Variants in TLR10 observed in about 807,000 individuals in gnomAD.
TLR10 encodes toll-like receptor 10.
For synonymous variants in TLR10, 288 were observed against 338.8 expected, an observed-to-expected ratio of 0.85 and a Z score of 1.65; for missense variants, 929 against 932.9, an observed-to-expected ratio of 1.00 and a Z score of 0.05.
intron 1 of TLR10, 113 bp from the exon 2 acceptor site, chr4:38,776,539 G>C (rs1308663786): frequency 6.6e-6 from 1 of 152,208 alleles, no homozygotes; most frequent in Admixed American, 6.5e-5. Context: ...TGTGAGGGAA[G>C]TACTACTACT....
chr4:38,774,268 C>A lies in TLR10; in HGVS notation c.1323G>T (p.Leu441Phe). The stretch of plus-strand genomic sequence containing the variant: ...GGTCAAGTATTTGAATACTTTTGGG[C>A]AAGCACCTGAAGACAGAATCAGACA... ...NKLSDSVFRC[L>F]PKSIQILDLN... is the part of the protein sequence containing the mutation. The change falls in exon 4 of 4, where the codon TTG (leucine) becomes TTT (phenylalanine). Residue 441 changes from leucine (L) to phenylalanine (F), a missense_variant. Physicochemically the swap from Leu to Phe is conservative, Grantham distance 22. Transcript: ENST00000308973. The A allele has an allele frequency of 6.2e-7, 1 of 1,613,864 alleles. No individual in the cohort carries two copies. Among genetic ancestry groups the A allele is most frequent in the Non-Finnish European group, 8.5e-7 (1 of 1,179,974 alleles).
In TLR10 at chr4:38,775,045, T is replaced by A; in HGVS notation, c.546A>T (p.Glu182Asp). 6.2e-7 allele frequency: 1 copy of A among 1,612,396 alleles called. No individual in the cohort carries two copies. Among genetic ancestry groups the A allele is most frequent in the Non-Finnish European group, 8.5e-7 (1 of 1,179,596 alleles). Reference protein sequence around the residue: ...LGFRTLPHYEEGSLPILNTTK... With the variant: ...LGFRTLPHYEDGSLPILNTTK... Reference sequence around the variant, plus strand: ...TTGTGTTTAAGATGGGCAGGCTACCTTCTTCATAATGAGGAAGAGTTCTGA... The same window carrying A: ...TTGTGTTTAAGATGGGCAGGCTACCATCTTCATAATGAGGAAGAGTTCTGA... The change falls in exon 4 of 4, where the codon GAA (glutamate) becomes GAT (aspartate). Residue 182 changes from glutamate to aspartate, a missense_variant. Physicochemically the swap from Glu to Asp is conservative, Grantham distance 45 (BLOSUM62 2). Coordinates refer to ENST00000308973, the MANE Select transcript of TLR10 (RefSeq NM_030956.4).
rs1380745192 is a variant in TLR10, at chr4:38,774,918, TG to T, written c.672del (p.Ser226AlafsTer4). ...ATTTCATAACTTACAAATTGGCTTT[TG>T]CCATCTATATTTGTCATTTCTAATA... is the stretch of plus-strand genomic sequence containing the variant. ...SKILEMTNID[G>X]KSQFVSYEMQ... On this transcript the variant is annotated frameshift_variant, in exon 4 of 4. Transcript: ENST00000308973. LOFTEE classifies it low-confidence loss of function (END_TRUNC). The T allele has an allele frequency of 3.1e-6, 5 of 1,611,332 alleles. No homozygotes were observed. The South Asian group carries it at 5.5e-5, about 18-fold the overall frequency.
rs578171492 is a variant in TLR10, at chr4:38,773,796, G to A, written c.1795C>T (p.Leu599Phe). 2.5e-6 allele frequency: 4 copies of A among 1,599,622 alleles called. 1 individual carries two copies. The South Asian group carries it at 4.5e-5, about 18-fold the overall frequency. Residue 599 changes from leucine (L) to phenylalanine (F), a missense_variant, in exon 4 of 4, where the codon CTC (leucine) becomes TTC (phenylalanine). Transcript: ENST00000308973. ...VLGLAVAFCC[L>F]HFDLPWYLRM... is the part of the protein sequence containing the mutation. ...AGATACCAGGGCAGATCAAAGTGGA[G>A]ACAGCAGAAGGCCACAGCCAACCCC...
chr4:38,773,755 T>C lies in TLR10; in HGVS notation c.1836A>G (p.Gln612=), dbSNP rs140509428. 59 of 1,612,998 alleles carry C rather than the reference T, an allele frequency of 3.7e-5. No individual in the cohort carries two copies. In the African/African-American group the frequency reaches 7.6e-4, roughly 21 times the overall value. Residue 612 remains glutamine (Q), a synonymous_variant, in exon 4 of 4, where the codon CAA becomes CAG. Transcript: ENST00000308973. ...DLPWYLRMLG[Q]CTQTWHRVRK... ...TAACCCTGTGCCATGTTTGTGTGCA[T>C]TGACCTAGCATCCTGAGATACCAGG...
chr4:38,781,650 T>A (rs73142641), intron 1 of TLR10, among the ~76,000 whole-genome samples: 22,512 of 152,116 alleles, frequency 0.15, 2,859 homozygotes, highest in African/African-American at 0.35. Context: ...TTTAATATCT[T>A]ATAATTTAAA....
chr4:38,777,488 C>T (rs866859536), intron 1 of TLR10, among the ~76,000 whole-genome samples: 1 of 152,094 alleles, frequency 6.6e-6, no homozygotes, highest in Admixed American at 6.6e-5. Context: ...TTCTGACATA[C>T]ATTTTAAAGA....
In TLR10 at chr4:38,775,433, A is replaced by C; in HGVS notation, c.158T>G (p.Leu53Arg). 1.2e-6 allele frequency: 2 copies of C among 1,614,142 alleles called. No homozygotes were observed. The highest frequency in any genetic ancestry group is 1.7e-6 in the Non-Finnish European group (2 of 1,180,010). The change falls in exon 4 of 4, where the codon CTG becomes CGG. Residue 53 changes from leucine to arginine, a missense_variant. Physicochemically the swap from Leu to Arg is moderately radical, Grantham distance 102 (BLOSUM62 -2). Transcript: ENST00000308973. Reference sequence around the variant, plus strand: ...AAAAAGGAGGTTATAGGATAAATCCAGTGTCGTTGTGGCTGGGGTCAAGTC... The same window carrying C: ...AAAAAGGAGGTTATAGGATAAATCCCGTGTCGTTGTGGCTGGGGTCAAGTC... Reference protein sequence around the residue: ...PADLTPATTTLDLSYNLLFQL... With the variant: ...PADLTPATTTRDLSYNLLFQL...
At position 38,773,853 on chromosome 4, in the gene TLR10, T is replaced by C. The variant is rs1560441783; in HGVS notation, c.1738A>G (p.Ile580Val). 6.3e-7 allele frequency: 1 copy of C among 1,588,280 alleles called. No individual in the cohort carries two copies. The highest frequency in any genetic ancestry group is 2.2e-5 in the East Asian group (1 of 44,776). The change falls in exon 4 of 4, where the codon ATT becomes GTT. Residue 580 changes from isoleucine (I) to valine (V), a missense_variant. Transcript: ENST00000308973. ...HELSCNTALLIVTIVVIMLVL... is the reference protein window; with the variant it reads ...HELSCNTALLVVTIVVIMLVL... The stretch of plus-strand genomic sequence containing the variant: ...AGCATAATAACCACAATGGTGACAA[T>C]CAACAGAGCTGTGTTGCAAGATAAT...
intron 1 of TLR10, chr4:38,779,170 T>C (rs1725246069): frequency 6.6e-6 from 1 of 152,246 alleles, no homozygotes; most frequent in South Asian, 2.1e-4. Context: ...ATAGTTTCTT[T>C]GTGTGAACTC....
At position 38,774,437 on chromosome 4, in the gene TLR10, T is replaced by G; in HGVS notation, c.1154A>C (p.Glu385Ala). 1 of 1,613,072 alleles carries G rather than the reference T, an allele frequency of 6.2e-7. No homozygotes were observed. Among genetic ancestry groups the G allele is most frequent in the Non-Finnish European group, 8.5e-7 (1 of 1,179,726 alleles). Residue 385 changes from glutamate (E) to alanine (A), a missense_variant, in exon 4 of 4, where the codon GAG becomes GCG. Coordinates refer to ENST00000308973, the MANE Select transcript of TLR10 (RefSeq NM_030956.4). ...AAAGCAACTTACTAAAGAAAGTGTC[T>G]CCAGTTTATTGCCATTCAAAATGAG... ...KTLILNGNKL[E>A]TLSLVSCFAN... is the part of the protein sequence containing the mutation.
chr4:38,780,697 T>C (rs1725352480), intron 1 of TLR10, among the ~76,000 whole-genome samples: 1 of 152,182 alleles, frequency 6.6e-6, no homozygotes, highest in Non-Finnish European at 1.5e-5. Flanking sequence ...AACTCAGTAA[T>C]CAAGATAATG....
chr4:38,775,834 T>A lies in TLR10; in HGVS notation c.-122A>T, dbSNP rs1001947403. The stretch of plus-strand genomic sequence containing the variant: ...TTGGCTGAGAAGTCTCCAAGCTGGC[T>A]ACTGTGCCATGTCTCCGTTGTTGAG... On this transcript the variant is annotated 5_prime_UTR_variant, in exon 3 of 4. An upstream open reading frame in the 5' UTR loses its in-frame stop. Coordinates refer to ENST00000308973, the MANE Select transcript of TLR10 (RefSeq NM_030956.4). 6.2e-5 allele frequency: 22 copies of A among 357,128 alleles called. No homozygotes were observed. The highest frequency in any genetic ancestry group is 4.2e-4 in the African/African-American group (20 of 47,194). The allele number at this position is 357,128 out of a possible 1,614,324, so 22.1% of individuals were successfully genotyped here.
Position 38,773,808 on chromosome 4 carries a change from C to T in TLR10, c.1783G>A (p.Ala595Thr), listed in dbSNP as rs748821055. ...AGATCAAAGTGGAGACAGCAGAAGG[C>T]CACAGCCAACCCCAGAACTAGCATA... Reference protein sequence around the residue: ...VIMLVLGLAVAFCCLHFDLPW... With the variant: ...VIMLVLGLAVTFCCLHFDLPW... The change falls in exon 4 of 4, where the codon GCC becomes ACC. Residue 595 changes from alanine (A) to threonine (T), a missense_variant. By Grantham distance (58) the Ala-to-Thr change is moderately conservative. Coordinates refer to ENST00000308973, the MANE Select transcript of TLR10 (RefSeq NM_030956.4). 1.3e-6 allele frequency: 2 copies of T among 1,593,320 alleles called. No individual in the cohort carries two copies. Among genetic ancestry groups the T allele is most frequent in the Non-Finnish European group, 1.7e-6 (2 of 1,170,812 alleles).
chr4:38,775,809 T>C lies in TLR10; in HGVS notation c.-97A>G, dbSNP rs1186340436. 1.5e-5 allele frequency: 6 copies of C among 410,488 alleles called. No homozygotes were observed. The highest frequency in any genetic ancestry group is 4.1e-5 in the Admixed American group (1 of 24,648). The allele number at this position is 410,488 out of a possible 1,614,324, so 25.4% of individuals were successfully genotyped here. A position where few individuals can be genotyped will look rare whatever the true frequency, so the allele number is the denominator to read the frequency against. ...GGGTCTTCGACTTGATCTCAGAGCA[T>C]TGGCTGAGAAGTCTCCAAGCTGGCT... On this transcript the variant is annotated 5_prime_UTR_variant, in exon 3 of 4. It removes an upstream start codon present in the reference 5' UTR. Transcript: ENST00000308973.
At position 38,781,496 on chromosome 4, in the gene TLR10, G is replaced by A. The variant is rs181378045; in HGVS notation, c.-569+1425C>T. 3.0e-4 allele frequency among the ~76,000 whole-genome samples: 46 copies of A among 152,116 alleles called. No homozygotes were observed. In the East Asian group the frequency reaches 7.7e-3, roughly 26 times the overall value. ...ATTACAGGCACCTGCCATCACACCC[G>A]GCTAATTTTTGTATTTTTAGTAGAG... On this transcript the variant is annotated intron_variant, in intron 1 of 3. Transcript: ENST00000308973.
Position 38,773,244 on chromosome 4 carries a change from T to G in TLR10, c.2347A>C (p.Arg783=). The change falls in exon 4 of 4, where the codon AGA becomes CGA. Residue 783 remains arginine (R), a synonymous_variant. Transcript: ENST00000308973. ...AATGTCTGCAGTTCATACATTTCTC[T>G]GGTGGCTAATACATTAACATTAATA... is the stretch of plus-strand genomic sequence containing the variant. ...AAINVNVLAT[R]EMYELQTFTE... 1.9e-6 allele frequency: 3 copies of G among 1,605,914 alleles called. No individual in the cohort carries two copies. Among genetic ancestry groups the G allele is most frequent in the Non-Finnish European group, 2.5e-6 (3 of 1,177,392 alleles).
chr4:38,773,761 T>C lies in TLR10; in HGVS notation c.1830A>G (p.Leu610=). ...TGTGCCATGTTTGTGTGCATTGACC[T>C]AGCATCCTGAGATACCAGGGCAGAT... is the stretch of plus-strand genomic sequence containing the variant. ...HFDLPWYLRM[L]GQCTQTWHRV... Residue 610 remains leucine (L), a synonymous_variant, in exon 4 of 4, where the codon CTA becomes CTG. Transcript: ENST00000308973. 1 of 1,612,278 alleles carries C rather than the reference T, an allele frequency of 6.2e-7. No individual in the cohort carries two copies. Among genetic ancestry groups the C allele is most frequent in the Non-Finnish European group, 8.5e-7 (1 of 1,179,288 alleles).
chr4:38,772,620 CT>C lies in TLR10; in HGVS notation c.*534del, dbSNP rs199540767. The C allele has an allele frequency of 4.5e-3, 627 of 138,684 alleles. 3 individuals are homozygous for C. Among genetic ancestry groups the C allele is most frequent in the African/African-American group, 0.014 (545 of 38,474 alleles). The allele number at this position is 138,684 out of a possible 1,614,324, so 8.6% of individuals were successfully genotyped here. On this transcript the variant is annotated 3_prime_UTR_variant, in exon 4 of 4. Transcript: ENST00000308973. ...CCATGAGGATGTTTTCCATTTTTTT[CT>C]TTTTTTTTTTTCTTTTTTTTGAGAT... is the stretch of plus-strand genomic sequence containing the variant.
Sources: gnomAD v4.1 joint callset for allele counts (sites outside exome capture counted in the v4.1 genomes callset) on GRCh38, gnomAD v4.1.1 for gene constraint, MANE v1.5 for transcripts, NCBI Gene and HGNC (gene_info 2026-07-23, HGNC 2026-07-21) for gene names.